The following OSBPL9 variants were observed in gnomAD, a reference collection of about 807,000 sequenced individuals.
OSBPL9 encodes the protein oxysterol binding protein like 9.
Under a neutral mutation model 106.6 loss-of-function variants are expected in OSBPL9, and 40 were observed. That is an observed-to-expected ratio of 0.38 (90% CI 0.29 to 0.49). The LOEUF is 0.49. Ranked by LOEUF, OSBPL9 falls within the 20% of genes least tolerant of loss-of-function variation. OSBPL9 has a pLI of 0.97. For missense variants in OSBPL9, 609 were observed against 887.2 expected (o/e 0.69, Z 3.98); for synonymous variants, 269 against 295.4 (o/e 0.91, Z 0.92).
At chr1:51,555,038 A>G in the OSBPL9 span, among the ~76,000 whole-genome samples, 2 of 152,294 alleles carry the variant, frequency 1.3e-5, no homozygotes, top group African/African-American at 4.8e-5. Context: ...AAGTTAATTT[A>G]GTTTCCCAAG....
chr1:51,640,931 G>A (rs1645753706), intron 1 of OSBPL9, among the ~76,000 whole-genome samples: 2 of 151,354 alleles, frequency 1.3e-5, no homozygotes, highest in African/African-American at 2.4e-5. Context: ...TTACAGGTGT[G>A]TGCCACCACA....
the OSBPL9 span, among the ~76,000 whole-genome samples, chr1:51,550,602 T>A: frequency 6.6e-6 from 1 of 152,214 alleles, no homozygotes; most frequent in Admixed American, 6.5e-5. Flanking sequence ...AACTTTCGCC[T>A]CCCAGGTTCA....
chr1:51,709,271 C>T (rs1227359575), intron 3 of OSBPL9: 1 of 215,494 alleles, frequency 4.6e-6, no homozygotes, highest in African/African-American at 2.3e-5. Context: ...GGGCACTTGT[C>T]CTTCTGGAGG....
chr1:51,725,621 T>C (rs1662976857), intron 4 of OSBPL9, among the ~76,000 whole-genome samples: 1 of 152,186 alleles, frequency 6.6e-6, no homozygotes, highest in African/African-American at 2.4e-5. Context: ...TTTGTCAACT[T>C]CACATGTGCT....
intron 3 of OSBPL9, among the ~76,000 whole-genome samples, chr1:51,700,753 T>G (rs1051117627): frequency 2.6e-5 from 4 of 152,186 alleles, no homozygotes; most frequent in African/African-American, 9.7e-5. Context: ...AAATTATTAT[T>G]TATTCATTTG....
At chr1:51,749,399 A>G (rs1668751622) in intron 7 of OSBPL9, 1 of 237,282 alleles carries the variant, frequency 4.2e-6, no homozygotes, top group Admixed American at 3.5e-5. Context: ...TGCAGCTTCG[A>G]ACTCCTGGGC....
chr1:51,727,321 G>A (rs1663310891), intron 4 of OSBPL9, among the ~76,000 whole-genome samples: 2 of 152,118 alleles, frequency 1.3e-5, no homozygotes, highest in South Asian at 4.1e-4. Context: ...CTCCACCATT[G>A]TTTATAGTTT....
At chr1:51,766,867 G>A (rs1322127677) in intron 12 of OSBPL9, among the ~76,000 whole-genome samples, 13 of 150,020 alleles carry the variant, frequency 8.7e-5, no homozygotes, top group African/African-American at 3.2e-4. Flanking sequence ...TCAGGAGTTC[G>A]AGACCAGCCT....
intron 4 of OSBPL9, among the ~76,000 whole-genome samples, chr1:51,741,176 C>A (rs1666812364): frequency 6.6e-6 from 1 of 151,964 alleles, no homozygotes; most frequent in Non-Finnish European, 1.5e-5. Context: ...TAGGAAGTAC[C>A]GACATACAGT....
chr1:51,755,557 C>T (rs977217205), intron 8 of OSBPL9, among the ~76,000 whole-genome samples: 8 of 152,174 alleles, frequency 5.3e-5, no homozygotes, highest in African/African-American at 1.9e-4. Context: ...TCTCACTATA[C>T]TGGGCAGTGG....
intron 4 of OSBPL9, among the ~76,000 whole-genome samples, chr1:51,720,614 C>T (rs911083475): frequency 3.9e-5 from 6 of 151,988 alleles, no homozygotes; most frequent in South Asian, 2.1e-4. Flanking sequence ...TGAGCCACCG[C>T]GCCTGACTGA....
chr1:51,652,857 A>G (rs559913952), intron 2 of OSBPL9, among the ~76,000 whole-genome samples: 1 of 152,356 alleles, frequency 6.6e-6, no homozygotes, highest in Non-Finnish European at 1.5e-5. Context: ...ATCCCATTGT[A>G]TATGAAGAAA....
chr1:51,526,843 C>T, the OSBPL9 span, among the ~76,000 whole-genome samples: 2 of 152,002 alleles, frequency 1.3e-5, no homozygotes, highest in African/African-American at 4.8e-5. Flanking sequence ...CTCCCAGGTT[C>T]AAGCGATTCT....
intron 3 of OSBPL9, among the ~76,000 whole-genome samples, chr1:51,676,217 A>AC (rs1651149821): frequency 6.6e-6 from 1 of 152,052 alleles, no homozygotes; most frequent in Non-Finnish European, 1.5e-5. Context: ...ATCACTTCAG[A>AC]CCAGGAGTTT....
At chr1:51,748,054 G>A (rs1668405859) in intron 6 of OSBPL9, among the ~76,000 whole-genome samples, 1 of 152,154 alleles carries the variant, frequency 6.6e-6, no homozygotes, top group Non-Finnish European at 1.5e-5. Context: ...CTCCCAAAGT[G>A]CTGGGATTAC....
chr1:51,705,390 TATATA>T, intron 3 of OSBPL9, among the ~76,000 whole-genome samples: 1 of 64,722 alleles, frequency 1.5e-5, no homozygotes, highest in Non-Finnish European at 3.1e-5. Flanking sequence ...TATATATATA[TATATA>T]TATATTTTTT....
chr1:51,729,984 T>C lies in OSBPL9; in HGVS notation c.319-15552T>C, dbSNP rs1211796654. The C allele has an allele frequency of 7.6e-7, 1 of 1,317,190 alleles. No homozygotes were observed. Among genetic ancestry groups the C allele is most frequent in the African/African-American group, 1.5e-5 (1 of 66,548 alleles). 81.6% of individuals were successfully genotyped at this position (1,317,190 alleles called of 1,614,324 possible). On this transcript the variant is annotated intron_variant, in intron 4 of 23. Coordinates refer to ENST00000428468, the MANE Select transcript of OSBPL9 (RefSeq NM_024586.6). This position sits in a 1 kb window ranked among gnomAD's most constrained non-coding sequence, Gnocchi z 5.1. Reference sequence around the variant, plus strand: ...GCGGGGGCCTTGGCGAATGGCTTTCTTGCTGGCCACTTGCGGAGTGAGTAG... The same window carrying C: ...GCGGGGGCCTTGGCGAATGGCTTTCCTGCTGGCCACTTGCGGAGTGAGTAG...
At chr1:51,657,787 A>C (rs1229469719) in intron 2 of OSBPL9, among the ~76,000 whole-genome samples, 1 of 152,170 alleles carries the variant, frequency 6.6e-6, no homozygotes, top group Non-Finnish European at 1.5e-5. Context: ...TGGAAAATGG[A>C]GACATGACAA....
chr1:51,629,777 T>C (rs1257693611), intron 1 of OSBPL9, among the ~76,000 whole-genome samples: 2 of 151,952 alleles, frequency 1.3e-5, no homozygotes, highest in East Asian at 1.9e-4. Flanking sequence ...GGTGAAACCC[T>C]GTCTCTACTA....
Sources: gnomAD v4.1 joint callset for allele counts (sites outside exome capture counted in the v4.1 genomes callset) on GRCh38, gnomAD v4.1.1 for gene constraint, Gnocchi (gnomAD v3.1) non-coding constraint, MANE v1.5 for transcripts, NCBI Gene and HGNC (gene_info 2026-07-23, HGNC 2026-07-21) for gene names.